RETREG3: variants seen among roughly 807,000 people sequenced by gnomAD.
RETREG3 encodes the protein reticulophagy regulator 3.
A neutral mutation model predicts 50.2 loss-of-function variants in RETREG3; 23 were observed. The ratio of observed to expected loss-of-function variants is 0.46; its 90% CI spans 0.33 to 0.65. The LOEUF is 0.65. Ranked by LOEUF, RETREG3 falls within the 30% of genes least tolerant of loss-of-function variation. The pLI, the probability that RETREG3 is intolerant of heterozygous loss-of-function variation, is 0.02. For synonymous variants in RETREG3, 240 were observed against 234.4 expected, an observed-to-expected ratio of 1.02 and a Z score of -0.22; for missense variants, 546 against 598.0, an observed-to-expected ratio of 0.91 and a Z score of 0.91.
chr17:42,592,216 A>C, intron 1 of RETREG3, 54 bp from the exon 2 acceptor site: 3 of 1,480,618 alleles, frequency 2.0e-6, no homozygotes, highest in Non-Finnish European at 2.8e-6. Context: ...TCCTAATTTC[A>C]GAAAAGGCCA....
In RETREG3 at chr17:42,590,397, C is replaced by T. The variant is rs151292236; in HGVS notation, c.346+1659G>A. On this transcript the variant is annotated intron_variant, in intron 2 of 8. Coordinates refer to ENST00000309428, the MANE Select transcript of RETREG3 (RefSeq NM_178126.4). The stretch of plus-strand genomic sequence containing the variant: ...GTTAAAAAATAAGAATAGGGCTGGG[C>T]GCGGTGACTCACGTCTGTAATCCCA... Among the ~76,000 whole-genome samples the T allele has an allele frequency of 5.3e-4, 80 of 151,978 alleles. No homozygotes were observed. The East Asian group carries it at 0.015, about 29-fold the overall frequency.
At chr17:42,601,921 C>CA (rs536836038) in intron 1 of RETREG3, among the ~76,000 whole-genome samples, 77 of 152,122 alleles carry the variant, frequency 5.1e-4, no homozygotes, top group African/African-American at 1.7e-3. Context: ...AGGCATGAGC[C>CA]ACTGCGCCCA....
At chr17:42,589,600 ATTT>A (rs2093128498) in intron 2 of RETREG3, among the ~76,000 whole-genome samples, 1 of 151,974 alleles carries the variant, frequency 6.6e-6, no homozygotes, top group African/African-American at 2.4e-5. Context: ...TGCCTGGGTA[ATTT>A]TTTTATTTTT....
chr17:42,592,846 G>A (rs766391712), intron 1 of RETREG3, among the ~76,000 whole-genome samples: 2 of 152,108 alleles, frequency 1.3e-5, no homozygotes, highest in African/African-American at 2.4e-5. Context: ...CAGCTACCTG[G>A]GAGGCTGAGG....
At chr17:42,608,944 G>C (rs2093173712) in intron 1 of RETREG3, 142 bp downstream of exon 1, 1 of 768,668 alleles carries the variant, frequency 1.3e-6, no homozygotes, top group Non-Finnish European at 2.1e-6. Context: ...AGGCGGGATG[G>C]AGTGGAAGGA....
intron 1 of RETREG3, among the ~76,000 whole-genome samples, chr17:42,607,277 T>A (rs2093169436): frequency 6.6e-6 from 1 of 151,618 alleles, no homozygotes; most frequent in African/African-American, 2.4e-5. Context: ...GGCAGGAGGA[T>A]CACCAGAGCC....
intron 1 of RETREG3, among the ~76,000 whole-genome samples, chr17:42,599,752 G>A (rs2093155087): frequency 6.6e-6 from 1 of 152,080 alleles, no homozygotes; most frequent in African/African-American, 2.4e-5. Flanking sequence ...CAGCACTTTG[G>A]GAAGCCAAGG....
At position 42,586,104 on chromosome 17, in the gene RETREG3, A is replaced by G; in HGVS notation, c.538T>C (p.Leu180=). 1 of 1,614,092 alleles carries G rather than the reference A, an allele frequency of 6.2e-7. No homozygotes were observed. The highest frequency in any genetic ancestry group is 8.5e-7 in the Non-Finnish European group (1 of 1,179,996). Reference sequence around the variant, plus strand: ...GGGACGTAGCGGCCCAAGACAGCCAAAAAGGTCAGTATCCCACAGCTCAGC... The same window carrying G: ...GGGACGTAGCGGCCCAAGACAGCCAGAAAGGTCAGTATCCCACAGCTCAGC... ...CLLSCGILTF[L]AVLGRYVPGL... Residue 180 remains leucine (L), a synonymous_variant, in exon 5 of 9, where the codon TTG becomes CTG. Coordinates refer to ENST00000309428, the MANE Select transcript of RETREG3 (RefSeq NM_178126.4).
chr17:42,591,252 T>G (rs904120032), intron 2 of RETREG3, among the ~76,000 whole-genome samples: 6 of 152,220 alleles, frequency 3.9e-5, no homozygotes, highest in African/African-American at 1.4e-4. Flanking sequence ...CTGTGACATC[T>G]GTGGTGCTGG....
chr17:42,604,757 A>G (rs917839420), intron 1 of RETREG3, among the ~76,000 whole-genome samples: 2 of 151,474 alleles, frequency 1.3e-5, no homozygotes, highest in African/African-American at 4.9e-5. Context: ...TCCTTGAACT[A>G]TCTCTTCATG....
At chr17:42,597,805 T>C (rs1317334464) in intron 1 of RETREG3, among the ~76,000 whole-genome samples, 1 of 150,330 alleles carries the variant, frequency 6.7e-6, no homozygotes, top group Admixed American at 6.7e-5. Flanking sequence ...AATTTTTGTA[T>C]TTTTAGTAGA....
rs182403195 is a variant in RETREG3, at chr17:42,596,267, G to A, written c.240-4105C>T. The stretch of plus-strand genomic sequence containing the variant: ...CAAACCTGTAGTCTCAGCTACTCAG[G>A]AGGCTTGCTTGAGCCTGAAAGGTTG... On this transcript the variant is annotated intron_variant, in intron 1 of 8. Coordinates refer to ENST00000309428, the MANE Select transcript of RETREG3 (RefSeq NM_178126.4). Among the ~76,000 whole-genome samples, 643 of 145,160 alleles carry A rather than the reference G, an allele frequency of 4.4e-3. 7 individuals carry two copies. The highest frequency in any genetic ancestry group is 0.014 in the African/African-American group (568 of 39,346).
rs375409743 is a variant in RETREG3 at position 42,609,344 on chromosome 17, C to A, written c.-20G>T. On this transcript the variant is annotated 5_prime_UTR_variant, in exon 1 of 9. An upstream start codon of the reference 5' UTR is lost. Transcript: ENST00000309428. The stretch of plus-strand genomic sequence containing the variant: ...AGCCATCTCCCCGCGGCAGCCACAA[C>A]ATCCGGGGCCGTGGCCCGACAAGTC... 4.7e-5 allele frequency: 74 copies of A among 1,586,230 alleles called. No individual in the cohort carries two copies. The African/African-American group carries it at 8.9e-4, about 19-fold the overall frequency.
chr17:42,593,922 G>A (rs1013627451), intron 1 of RETREG3, among the ~76,000 whole-genome samples: 1 of 152,172 alleles, frequency 6.6e-6, no homozygotes, highest in Non-Finnish European at 1.5e-5. Context: ...CAGGTGTGGT[G>A]GCTCATGCCT....
At chr17:42,604,314 T>C (rs1231909027) in intron 1 of RETREG3, among the ~76,000 whole-genome samples, 3 of 152,082 alleles carry the variant, frequency 2.0e-5, no homozygotes, top group Non-Finnish European at 2.9e-5. Flanking sequence ...GGACTCAGCT[T>C]GTGGACTGCT....
chr17:42,590,155 G>C (rs1015497549), intron 2 of RETREG3, among the ~76,000 whole-genome samples: 1 of 152,222 alleles, frequency 6.6e-6, no homozygotes, highest in Non-Finnish European at 1.5e-5. Context: ...AGCGAGCCAA[G>C]ATCGCGCCAC....
intron 7 of RETREG3, 113 bp from the exon 8 acceptor site, chr17:42,582,919 G>A: frequency 7.2e-7 from 1 of 1,382,238 alleles, no homozygotes; most frequent in Non-Finnish European, 1.0e-6. Context: ...TCAAATCAAT[G>A]TAACCAGGGA....
In RETREG3 at chr17:42,582,215, G is replaced by C; in HGVS notation, c.999C>G (p.Phe333Leu). The C allele has an allele frequency of 6.2e-7, 1 of 1,612,762 alleles. No homozygotes were observed. The highest frequency in any genetic ancestry group is 8.5e-7 in the Non-Finnish European group (1 of 1,180,012). The change falls in exon 9 of 9, where the codon TTC becomes TTG. Residue 333 changes from phenylalanine (F) to leucine (L), a missense_variant. Physicochemically the swap from Phe to Leu is conservative, Grantham distance 22. Coordinates refer to ENST00000309428, the MANE Select transcript of RETREG3 (RefSeq NM_178126.4). ...EESFARDLPD[F>L]PSINMDPAGL... ...CAGCAGGATCCATATTAATGGAAGGGAAGTCTGGAAGGTCTCTGGCAAAGG... is the reference window on the plus strand; with the variant it reads ...CAGCAGGATCCATATTAATGGAAGGCAAGTCTGGAAGGTCTCTGGCAAAGG...
At chr17:42,603,526 G>T (rs927706373) in intron 1 of RETREG3, among the ~76,000 whole-genome samples, 18 of 152,120 alleles carry the variant, frequency 1.2e-4, no homozygotes, top group African/African-American at 3.6e-4. Flanking sequence ...ACAGTGGAGA[G>T]AAAGCACTCA....
Sources: gnomAD v4.1 joint callset for allele counts (sites outside exome capture counted in the v4.1 genomes callset) on GRCh38, gnomAD v4.1.1 for gene constraint, MANE v1.5 for transcripts, NCBI Gene and HGNC (gene_info 2026-07-23, HGNC 2026-07-21) for gene names.